BOD1L1: variants seen among roughly 807,000 people sequenced by gnomAD.
The protein encoded by BOD1L1 is biorientation of chromosomes in cell division protein 1-like 1.
In BOD1L1, 86 loss-of-function variants were observed where a neutral mutation model predicts 240.7. The ratio of observed to expected loss-of-function variants is 0.36; its 90% CI spans 0.30 to 0.43. The LOEUF (loss-of-function observed/expected upper bound fraction) is 0.43, where lower values mean the gene tolerates loss of function less well. BOD1L1 is among the 20% of genes least tolerant of loss of function. BOD1L1 has a pLI of 1.00. For synonymous variants in BOD1L1, 1,268 were observed against 1,272.3 expected (o/e 1.00, Z 0.07); for missense variants, 3,554 against 3,643.5 (o/e 0.98, Z 0.63).
chr4:13,594,711 A>G lies in BOD1L1; in HGVS notation c.8104+1149T>C, dbSNP rs568681817. On this transcript the variant is annotated intron_variant, in intron 12 of 25. Coordinates refer to ENST00000040738, the MANE Select transcript of BOD1L1 (RefSeq NM_148894.3). ...GGAGATCGAGACCATCCTGGCCAAT[A>G]TGGTGAAACCCCATCTCTACTAAAA... 5.0e-3 allele frequency among the ~76,000 whole-genome samples: 765 copies of G among 152,256 alleles called. 1 individual carries two copies. The highest frequency in any genetic ancestry group is 8.6e-3 in the Non-Finnish European group (588 of 68,008).
At chr4:13,612,623 G>T (rs1455243173) in intron 5 of BOD1L1, among the ~76,000 whole-genome samples, 1 of 152,182 alleles carries the variant, frequency 6.6e-6, no homozygotes, top group East Asian at 1.9e-4. Flanking sequence ...GTATTATAAA[G>T]AATTCAGCCT....
At chr4:13,579,617 C>A (rs796829369) in intron 22 of BOD1L1, among the ~76,000 whole-genome samples, 7 of 152,280 alleles carry the variant, frequency 4.6e-5, no homozygotes, top group African/African-American at 1.7e-4. Flanking sequence ...CTGGAAAATG[C>A]AAGCAATATT....
intron 21 of BOD1L1, 87 bp downstream of exon 21, chr4:13,580,933 T>A: frequency 7.9e-7 from 1 of 1,260,482 alleles, no homozygotes; most frequent in Non-Finnish European, 1.1e-6. Flanking sequence ...GTAAAAAAAA[T>A]AAAGTTCAAA....
Position 13,599,769 on chromosome 4 carries a change from G to T in BOD1L1, c.7131C>A (p.Ser2377Arg), listed in dbSNP as rs750500013. The part of the protein sequence containing the change: ...EVSKHKVPMP[S>R]LIAENNCRCP... ...ACCGACAGTTATTCTCAGCAATTAG[G>T]CTGGGCATGGGGACCTTGTGCTTGC... Residue 2377 changes from serine to arginine, a missense_variant, in exon 10 of 26, where the codon AGC becomes AGA. This residue lies in a region of BOD1L1 where 3,393 missense variants were observed against 3,427.1 expected (regional missense o/e 0.99). Coordinates refer to ENST00000040738, the MANE Select transcript of BOD1L1 (RefSeq NM_148894.3). 6.2e-7 allele frequency: 1 copy of T among 1,614,020 alleles called. No individual in the cohort carries two copies. Among genetic ancestry groups the T allele is most frequent in the East Asian group, 2.2e-5 (1 of 44,872 alleles).
chr4:13,577,429 C>T lies in BOD1L1; in HGVS notation c.8858G>A (p.Arg2953His), dbSNP rs199553852. 1.6e-5 allele frequency: 26 copies of T among 1,613,696 alleles called. No homozygotes were observed. The highest frequency in any genetic ancestry group is 1.2e-4 in the African/African-American group (9 of 75,026). ...AGCATCATCTGATACAGTGAGAGAA[C>T]GTTTGGGTTTTCTTCCTCTCCGACG... is the stretch of plus-strand genomic sequence containing the variant. ...SVRRRGRKPK[R>H]SLTVSDDAES... The change falls in exon 24 of 26, where the codon CGT becomes CAT. Residue 2953 changes from arginine (R) to histidine (H), a missense_variant. Physicochemically the swap from Arg to His is conservative, Grantham distance 29 (BLOSUM62 0). Coordinates refer to ENST00000040738, the MANE Select transcript of BOD1L1 (RefSeq NM_148894.3).
At chr4:13,593,694 G>C (rs1008156514) in intron 12 of BOD1L1, among the ~76,000 whole-genome samples, 1 of 152,244 alleles carries the variant, frequency 6.6e-6, no homozygotes, top group South Asian at 2.1e-4. Context: ...TGATTTCAGT[G>C]AATGACTTAC....
Position 13,577,907 on chromosome 4 carries a change from T to C in BOD1L1, c.8750-276A>G, listed in dbSNP as rs1051064923. 5 of 160,364 alleles carry C rather than the reference T, an allele frequency of 3.1e-5. No homozygotes were observed. In the East Asian group the frequency reaches 5.3e-4, roughly 17 times the overall value. The allele number at this position is 160,364 out of a possible 1,614,324, so 9.9% of individuals were successfully genotyped here. On this transcript the variant is annotated intron_variant, in intron 22 of 25. Coordinates refer to ENST00000040738, the MANE Select transcript of BOD1L1 (RefSeq NM_148894.3). Reference sequence around the variant, plus strand: ...AAAATAAGAAGTTGGATTAGACTACTTTTTTTTTTTTTCTAAGACAGAGTT... The same window carrying C: ...AAAATAAGAAGTTGGATTAGACTACCTTTTTTTTTTTTCTAAGACAGAGTT...
chr4:13,573,762 GAGCCACCAGCC>G (rs1463386191), intron 25 of BOD1L1, among the ~76,000 whole-genome samples: 3 of 152,152 alleles, frequency 2.0e-5, no homozygotes, highest in Non-Finnish European at 2.9e-5. Context: ...GGCCTTAAGT[GAGCCACCAGCC>G]TTGGACTCCC....
In BOD1L1 at chr4:13,599,952, G is replaced by T. The variant is rs1714969265; in HGVS notation, c.6948C>A (p.Leu2316=). ...TCAAGTCTTCTACTCTTGTGATGGT[G>T]AGCCGATCTTCATCCTGGAGGACAG... ...IGAVLQDEDR[L]TITRVEDLSD... Residue 2316 remains leucine (L), a synonymous_variant, in exon 10 of 26, where the codon CTC becomes CTA. Transcript: ENST00000040738. 1.2e-6 allele frequency: 2 copies of T among 1,612,654 alleles called. No individual in the cohort carries two copies. The highest frequency in any genetic ancestry group is 1.7e-5 in the Admixed American group (1 of 59,814).
At chr4:13,579,891 CT>C in intron 22 of BOD1L1, 36 bp downstream of exon 22, 1 of 1,522,830 alleles carries the variant, frequency 6.6e-7, no homozygotes, top group Non-Finnish European at 8.9e-7. Flanking sequence ...CTGCCCCTCC[CT>C]CAGATAACAC....
intron 11 of BOD1L1, among the ~76,000 whole-genome samples, chr4:13,596,301 C>T (rs922018081): frequency 6.6e-6 from 1 of 152,108 alleles, no homozygotes; most frequent in African/African-American, 2.4e-5. Flanking sequence ...CACGTGCCCT[C>T]CTGTCTCTGA....
intron 17 of BOD1L1, 144 bp downstream of exon 17, chr4:13,586,252 C>T (rs1438410051): frequency 2.3e-6 from 1 of 438,020 alleles, no homozygotes; most frequent in Non-Finnish European, 4.1e-6. Flanking sequence ...AAAATAGACA[C>T]CTTTTATAAT....
Position 13,602,010 on chromosome 4 carries a change from T to G in BOD1L1, c.4890A>C (p.Leu1630=). 1.2e-6 allele frequency: 2 copies of G among 1,613,998 alleles called. No individual in the cohort carries two copies. Among genetic ancestry groups the G allele is most frequent in the South Asian group, 2.2e-5 (2 of 91,084 alleles). Reference sequence around the variant, plus strand: ...CGATTTTAACTGCATGCACAGCCAGTAGGTCTGCTGCTCTGTCCTCAGATT... The same window carrying G: ...CGATTTTAACTGCATGCACAGCCAGGAGGTCTGCTGCTCTGTCCTCAGATT... ...VAESEDRAAD[L]LAVHAVKIEA... The change falls in exon 10 of 26, where the codon CTA becomes CTC. Residue 1630 remains leucine, a synonymous_variant. Coordinates refer to ENST00000040738, the MANE Select transcript of BOD1L1 (RefSeq NM_148894.3).
chr4:13,582,307 T>A lies in BOD1L1; in HGVS notation c.8522A>T (p.Glu2841Val). The A allele has an allele frequency of 6.2e-7, 1 of 1,612,576 alleles. No individual in the cohort carries two copies. Among genetic ancestry groups the A allele is most frequent in the Non-Finnish European group, 8.5e-7 (1 of 1,179,160 alleles). ...TTSRVMEEKD[E>V]YSSSETTGEK... ...ACCAGTAGTTTCACTGCTGCTATAT[T>A]CATCTGTAGAAAAGGAAGAACTTTG... Residue 2841 changes from glutamate (E) to valine (V), a missense_variant, in exon 19 of 26, where the codon GAA becomes GTA. Physicochemically the swap from Glu to Val is moderately radical, Grantham distance 121 (BLOSUM62 -2). Coordinates refer to ENST00000040738, the MANE Select transcript of BOD1L1 (RefSeq NM_148894.3).
chr4:13,610,988 T>C lies in BOD1L1; in HGVS notation c.1437A>G (p.Lys479=), dbSNP rs779452299. 3.2e-5 allele frequency: 52 copies of C among 1,612,832 alleles called. No homozygotes were observed. Among genetic ancestry groups the C allele is most frequent in the Non-Finnish European group, 4.3e-5 (51 of 1,179,384 alleles). The part of the protein sequence containing the change: ...AYVHKPYLYS[K]YYSDSDDELT... Reference sequence around the variant, plus strand: ...GCTCATCATCAGAATCACTATAGTATTTTGAGTAAAGATATGGTTTGTGGA... The same window carrying C: ...GCTCATCATCAGAATCACTATAGTACTTTGAGTAAAGATATGGTTTGTGGA... Residue 479 remains lysine (K), a synonymous_variant, in exon 6 of 26, where the codon AAA becomes AAG. Transcript: ENST00000040738.
rs144592389 is a variant in BOD1L1 at position 13,614,671 on chromosome 4, C to T, written c.699G>A (p.Ala233=). 3.4e-3 allele frequency: 5,502 copies of T among 1,613,774 alleles called. 18 individuals carry two copies. The highest frequency in any genetic ancestry group is 6.3e-3 in the South Asian group (575 of 91,074). ...ETSNAKTSER[A]SKKLPSQPTT... is the part of the protein sequence containing the mutation. ...TTGGCTGAGATGGAAGTTTTTTTGA[C>T]GCTCTCTCACTGGTCTTGGCATTTG... The change falls in exon 4 of 26, where the codon GCG becomes GCA. Residue 233 remains alanine, a synonymous_variant. Coordinates refer to ENST00000040738, the MANE Select transcript of BOD1L1 (RefSeq NM_148894.3).
At chr4:13,627,135 T>A (rs1560224683) in intron 1 of BOD1L1, among the ~76,000 whole-genome samples, 1 of 152,178 alleles carries the variant, frequency 6.6e-6, no homozygotes, top group African/African-American at 2.4e-5. Context: ...ACCGGGGTAA[T>A]CACTGTGCCG....
intron 13 of BOD1L1, among the ~76,000 whole-genome samples, chr4:13,591,487 C>T (rs1714210167): frequency 1.3e-5 from 2 of 152,136 alleles, no homozygotes; most frequent in Admixed American, 1.3e-4. Flanking sequence ...AAAAACAAGA[C>T]TCTTTCAAGA....
At position 13,590,433 on chromosome 4, in the gene BOD1L1, C is replaced by T; in HGVS notation, c.8162G>A (p.Gly2721Asp). ...ATGAATTTCTTCATTTGTTCTGAAGCCTGAATTTTCAACCTAAATATACAA... is the reference window on the plus strand; with the variant it reads ...ATGAATTTCTTCATTTGTTCTGAAGTCTGAATTTTCAACCTAAATATACAA... The part of the protein sequence containing the change: ...VNESLNVENS[G>D]FRTNEEIHSE... The change falls in exon 14 of 26, where the codon GGC becomes GAC. Residue 2721 changes from glycine (G) to aspartate (D), a missense_variant. Gly to Asp is a moderately conservative substitution (Grantham distance 94). This residue lies in a region of BOD1L1 where 3,393 missense variants were observed against 3,427.1 expected (regional missense o/e 0.99). Coordinates refer to ENST00000040738, the MANE Select transcript of BOD1L1 (RefSeq NM_148894.3). 4.6e-6 allele frequency: 7 copies of T among 1,517,090 alleles called. No individual in the cohort carries two copies. Among genetic ancestry groups the T allele is most frequent in the Non-Finnish European group, 6.3e-6 (7 of 1,109,156 alleles). The allele number at this position is 1,517,090 out of a possible 1,614,324, so 94.0% of individuals were successfully genotyped here.
Sources: allele counts gnomAD v4.1 joint callset (sites outside exome capture counted in the v4.1 genomes callset), GRCh38; gene constraint gnomAD v4.1.1; regional missense constraint gnomAD v4.1.1; transcripts MANE v1.5; gene names NCBI Gene and HGNC (gene_info 2026-07-23, HGNC 2026-07-21).